IL1RAPL2: variants seen among roughly 807,000 people sequenced by gnomAD.
IL1RAPL2 encodes X-linked interleukin-1 receptor accessory protein-like 2.
Under a neutral mutation model 44.1 loss-of-function variants are expected in IL1RAPL2, and 3 were observed. The ratio of observed to expected loss-of-function variants is 0.07; its 90% CI spans 0.03 to 0.18. The LOEUF is 0.18. Among genes scored for constraint, IL1RAPL2 ranks in the 10% least tolerant of loss-of-function variants. The probability of loss-of-function intolerance (pLI) is 1.00; values close to 1 mark genes in which losing one functional copy is unlikely to be tolerated. For missense variants in IL1RAPL2, 391 were observed against 496.4 expected (o/e 0.79, Z 2.02); for synonymous variants, 181 against 178.8 (o/e 1.01, Z -0.10).
At chrX:105,052,584 A>G (rs1414974384) in intron 2 of IL1RAPL2, among the ~76,000 whole-genome samples, 1 of 111,823 alleles carries the variant, frequency 8.9e-6, no homozygotes, top group African/African-American at 3.2e-5. Flanking sequence ...GAGCTTTCCA[A>G]AAGAAGTACT....
chrX:104,826,748 T>A (rs1464873331), intron 2 of IL1RAPL2, among the ~76,000 whole-genome samples: 1 of 110,082 alleles, frequency 9.1e-6, no homozygotes, highest in Admixed American at 9.7e-5. Context: ...GGAGTCTAAG[T>A]CTCTTTGTAG....
intron 6 of IL1RAPL2, among the ~76,000 whole-genome samples, chrX:105,534,094 T>C (rs1301407349): frequency 8.9e-6 from 1 of 112,088 alleles, no homozygotes; most frequent in Non-Finnish European, 1.9e-5. Flanking sequence ...AAAGTGAAAG[T>C]GTTGGGTCGG....
At chrX:104,570,213 T>G (rs1188512700) in intron 1 of IL1RAPL2, among the ~76,000 whole-genome samples, 1 of 112,185 alleles carries the variant, frequency 8.9e-6, no homozygotes, top group Non-Finnish European at 1.9e-5. Flanking sequence ...CCTTTTAATC[T>G]CTGAGAACTG....
chrX:104,815,855 T>C (rs1921120651), intron 2 of IL1RAPL2, among the ~76,000 whole-genome samples: 1 of 105,952 alleles, frequency 9.4e-6, no homozygotes, highest in Admixed American at 1.0e-4. Context: ...TTTTTTTGGT[T>C]CCTAGCCTTT....
At chrX:105,418,061 T>C (rs1309729445) in intron 5 of IL1RAPL2, among the ~76,000 whole-genome samples, 2 of 111,574 alleles carry the variant, frequency 1.8e-5, no homozygotes, top group African/African-American at 6.5e-5. Context: ...TTCATATACC[T>C]CGCTTAGCTC....
chrX:104,572,746 C>T (rs1928170797), intron 1 of IL1RAPL2, among the ~76,000 whole-genome samples: 1 of 110,940 alleles, frequency 9.0e-6, no homozygotes, highest in South Asian at 3.8e-4. Context: ...ACTACAGGTG[C>T]ATGCCACCAT....
chrX:105,386,139 T>G (rs1429182685), intron 5 of IL1RAPL2, among the ~76,000 whole-genome samples: 1 of 111,862 alleles, frequency 8.9e-6, no homozygotes, highest in Non-Finnish European at 1.9e-5. Context: ...GTGGTCTAAA[T>G]TATGTTTATT....
intron 2 of IL1RAPL2, among the ~76,000 whole-genome samples, chrX:105,055,958 A>C (rs1337329724): frequency 8.9e-6 from 1 of 112,176 alleles, no homozygotes; most frequent in Non-Finnish European, 1.9e-5. Flanking sequence ...AAGGAGAAAC[A>C]TTTGACTTTA....
intron 6 of IL1RAPL2, among the ~76,000 whole-genome samples, chrX:105,635,927 G>A (rs2147836968): frequency 9.0e-6 from 1 of 111,342 alleles, no homozygotes; most frequent in East Asian, 2.8e-4. Flanking sequence ...TGAAATGAGT[G>A]GGTGGTAAGA....
intron 6 of IL1RAPL2, among the ~76,000 whole-genome samples, chrX:105,715,418 C>T (rs1212449208): frequency 1.8e-5 from 2 of 111,668 alleles, no homozygotes; most frequent in Non-Finnish European, 3.8e-5. Flanking sequence ...GGTAGAATTT[C>T]AGGCACCTAG....
chrX:105,501,030 A>G (rs777598039), intron 6 of IL1RAPL2, among the ~76,000 whole-genome samples: 1 of 111,966 alleles, frequency 8.9e-6, no homozygotes, highest in East Asian at 2.8e-4. Flanking sequence ...ATATGTATGT[A>G]TCTCTTACTA....
At chrX:105,111,672 T>C (rs142917046) in intron 2 of IL1RAPL2, among the ~76,000 whole-genome samples, 4,299 of 111,849 alleles carry the variant, frequency 0.038, 103 homozygotes, top group Non-Finnish European at 0.06. Flanking sequence ...TAATATTAGA[T>C]AACATGGGCT....
chrX:104,807,585 G>T (rs1932931610), intron 2 of IL1RAPL2, among the ~76,000 whole-genome samples: 1 of 111,509 alleles, frequency 9.0e-6, no homozygotes, highest in South Asian at 3.7e-4. Context: ...AAAAATCCAT[G>T]TTCTATTTTC....
chrX:104,712,900 G>T (rs1931486256), intron 2 of IL1RAPL2, among the ~76,000 whole-genome samples: 1 of 110,942 alleles, frequency 9.0e-6, no homozygotes, highest in Non-Finnish European at 1.9e-5. Flanking sequence ...AGGCATTTTG[G>T]TGAGAGTTAT....
intron 8 of IL1RAPL2, among the ~76,000 whole-genome samples, chrX:105,741,840 A>AT (rs910182893): frequency 1.8e-5 from 2 of 111,542 alleles, no homozygotes; most frequent in Non-Finnish European, 3.8e-5. Flanking sequence ...TTAAAATAGG[A>AT]TTAATAATAC....
Position 105,737,706 on chromosome X carries a change from C to T in IL1RAPL2, c.903-2840C>T, listed in dbSNP as rs999988032. 3.6e-5 allele frequency among the ~76,000 whole-genome samples: 4 copies of T among 111,323 alleles called. No homozygotes were observed. The South Asian group carries it at 1.1e-3, about 32-fold the overall frequency. ...AATTAAAATGAAGTTGTGGTGCCTA[C>T]GCAGCTTCTGGAACTACAGGGGGTT... On this transcript the variant is annotated intron_variant, in intron 7 of 10. Coordinates refer to ENST00000372582, the MANE Select transcript of IL1RAPL2 (RefSeq NM_017416.2).
chrX:104,760,651 A>C (rs1322391487), intron 2 of IL1RAPL2, among the ~76,000 whole-genome samples: 1 of 111,555 alleles, frequency 9.0e-6, no homozygotes, highest in African/African-American at 3.3e-5. Flanking sequence ...TTCCTATAGC[A>C]TAGTTTGAAC....
At chrX:105,763,098 TG>T (rs2038700930) in intron 10 of IL1RAPL2, among the ~76,000 whole-genome samples, 1 of 111,761 alleles carries the variant, frequency 8.9e-6, no homozygotes, top group Admixed American at 9.5e-5. Context: ...CCACCCTCCT[TG>T]GTCTTTAATT....
At chrX:105,600,562 A>T (rs2037243636) in intron 6 of IL1RAPL2, among the ~76,000 whole-genome samples, 1 of 108,385 alleles carries the variant, frequency 9.2e-6, no homozygotes, top group African/African-American at 3.3e-5. Context: ...AATAATTATA[A>T]TTAATCATTT....
Sources: gnomAD v4.1 joint callset for allele counts (sites outside exome capture counted in the v4.1 genomes callset) on GRCh38, gnomAD v4.1.1 for gene constraint, MANE v1.5 for transcripts, NCBI Gene and HGNC (gene_info 2026-07-23, HGNC 2026-07-21) for gene names.